The following EXOC7 variants were observed in gnomAD, a reference collection of about 807,000 sequenced individuals.
The protein encoded by EXOC7 is exocyst complex component Exo70.
A neutral mutation model predicts 87.6 loss-of-function variants in EXOC7; 51 were observed. The ratio of observed to expected loss-of-function variants is 0.58; its 90% CI spans 0.46 to 0.73. EXOC7 has a LOEUF of 0.73. Ranked by LOEUF, EXOC7 falls within the 30% of genes least tolerant of loss-of-function variation. EXOC7 has a pLI of 0.00. For missense variants in EXOC7, 744 were observed against 888.4 expected (o/e 0.84, Z 2.07); for synonymous variants, 327 against 357.1 (o/e 0.92, Z 0.95).
chr17:76,081,244 T>C lies in EXOC7; in HGVS notation c.*2404A>G, dbSNP rs1470552144. 7 of 1,611,414 alleles carry C rather than the reference T, an allele frequency of 4.3e-6. No individual in the cohort carries two copies. Among genetic ancestry groups the C allele is most frequent in the Non-Finnish European group, 5.9e-6 (7 of 1,179,262 alleles). ...CAGACTTGGCAGCTGGGATCTCTCC[T>C]TCCTGGTTCATAGTTCTCATTCCCA... On this transcript the variant is annotated 3_prime_UTR_variant, in exon 19 of 19. Transcript: ENST00000589210.
Position 76,081,675 on chromosome 17 carries a change from C to A in EXOC7, c.*1973G>T. 1 of 1,614,164 alleles carries A rather than the reference C, an allele frequency of 6.2e-7. No homozygotes were observed. The highest frequency in any genetic ancestry group is 1.1e-5 in the South Asian group (1 of 91,086). ...ATTGAGCGCATAGGCTACAAGGTGA[C>A]ATTGCTGCTGAGTTACCTCGTCCTC... On this transcript the variant is annotated 3_prime_UTR_variant, in exon 19 of 19. Coordinates refer to ENST00000589210, the MANE Select transcript of EXOC7 (RefSeq NM_001013839.4).
chr17:76,081,157 G>T lies in EXOC7; in HGVS notation c.*2491C>A. ...TTCTATGGATCGGTTTTGTGTCCAA[G>T]TCTGTCCCTGCCAAAAGCCATCAAA... On this transcript the variant is annotated 3_prime_UTR_variant, in exon 19 of 19. Coordinates refer to ENST00000589210, the MANE Select transcript of EXOC7 (RefSeq NM_001013839.4). 2 of 1,425,948 alleles carry T rather than the reference G, an allele frequency of 1.4e-6. 1 individual carries two copies. Among genetic ancestry groups the T allele is most frequent in the Middle Eastern group, 5.2e-4 (2 of 3,854 alleles). The allele number at this position is 1,425,948 out of a possible 1,614,324, so 88.3% of individuals were successfully genotyped here.
intron 1 of EXOC7, 33 bp downstream of exon 1, chr17:76,103,600 C>T: frequency 1.2e-6 from 2 of 1,608,910 alleles, no homozygotes; most frequent in Non-Finnish European, 1.7e-6. Flanking sequence ...CTTTCCCTCA[C>T]CTCCTCCCCA....
chr17:76,085,914 A>G (rs2067192303), intron 13 of EXOC7, 117 bp from the exon 14 acceptor site: 1 of 1,526,598 alleles, frequency 6.6e-7, no homozygotes, highest in Non-Finnish European at 8.8e-7. Flanking sequence ...AGGAGGCCTT[A>G]GCCCAACTCC....
chr17:76,086,162 C>T lies in EXOC7; in HGVS notation c.1430-17G>A. 1.9e-6 allele frequency: 3 copies of T among 1,612,678 alleles called. No homozygotes were observed. Among genetic ancestry groups the T allele is most frequent in the Non-Finnish European group, 2.5e-6 (3 of 1,179,768 alleles). On this transcript the variant is annotated splice_polypyrimidine_tract_variant and intron_variant, in intron 12 of 18. Transcript: ENST00000589210. ...AGCTGGTCTCTGTGAGAGGAGAAGT[C>T]CTGTTATTGCAGTGGCAGCAGCCAA...
Position 76,081,357 on chromosome 17 carries a change from G to T in EXOC7, c.*2291C>A. The T allele has an allele frequency of 1.2e-6, 2 of 1,614,178 alleles. No homozygotes were observed. The highest frequency in any genetic ancestry group is 1.3e-5 in the African/African-American group (1 of 75,066). ...GGGAATACGTAGTTTATGATCTGAA[G>T]ACCCAAGTCCCACCCCAGCAGCTGG... On this transcript the variant is annotated 3_prime_UTR_variant, in exon 19 of 19. Coordinates refer to ENST00000589210, the MANE Select transcript of EXOC7 (RefSeq NM_001013839.4).
At position 76,084,293 on chromosome 17, in the gene EXOC7, G is replaced by A; in HGVS notation, c.1777-4C>T. The stretch of plus-strand genomic sequence containing the variant: ...TCTGCCGCTCCTTGTCCCGGAGCTG[G>A]GAAGCCAGGAGAGATAGCAGAGAAA... On this transcript the variant is annotated splice_region_variant and splice_polypyrimidine_tract_variant and intron_variant, in intron 16 of 18. Transcript: ENST00000589210. The A allele has an allele frequency of 6.2e-7, 1 of 1,613,464 alleles. No individual in the cohort carries two copies. The highest frequency in any genetic ancestry group is 8.5e-7 in the Non-Finnish European group (1 of 1,180,012).
At position 76,081,507 on chromosome 17, in the gene EXOC7, C is replaced by A. The variant is rs779646744; in HGVS notation, c.*2141G>T. 2.5e-6 allele frequency: 4 copies of A among 1,608,688 alleles called. No homozygotes were observed. Among genetic ancestry groups the A allele is most frequent in the African/African-American group, 1.3e-5 (1 of 74,872 alleles). On this transcript the variant is annotated 3_prime_UTR_variant, in exon 19 of 19. Transcript: ENST00000589210. ...CCATGCCCCCGATGCCCACCTCCTT[C>A]CCCCCCGCCGGGAAGGCCCTGACTT...
intron 7 of EXOC7, chr17:76,090,468 A>G: frequency 6.4e-7 from 1 of 1,551,582 alleles, no homozygotes; most frequent in Non-Finnish European, 8.7e-7. Context: ...CCCTTGGGGT[A>G]CAGGGAAGAA....
chr17:76,086,173 A>C, intron 12 of EXOC7, 28 bp from the exon 13 acceptor site: 1 of 1,609,826 alleles, frequency 6.2e-7, no homozygotes, highest in Non-Finnish European at 8.5e-7. Context: ...CTGTTATTGC[A>C]GTGGCAGCAG....
Position 76,099,233 on chromosome 17 carries a change from C to T in EXOC7, c.418-1215G>A, listed in dbSNP as rs559205026. Among the ~76,000 whole-genome samples, 8 of 152,276 alleles carry T rather than the reference C, an allele frequency of 5.3e-5. No individual in the cohort carries two copies. In the East Asian group the frequency reaches 7.7e-4, roughly 15 times the overall value. On this transcript the variant is annotated intron_variant, in intron 4 of 18. Coordinates refer to ENST00000589210, the MANE Select transcript of EXOC7 (RefSeq NM_001013839.4). ...AAAGAAAATGTGGTCTGGCTGGGCACGGTGGCTTACGCCTGTAATCCCAGC... is the reference window on the plus strand; with the variant it reads ...AAAGAAAATGTGGTCTGGCTGGGCATGGTGGCTTACGCCTGTAATCCCAGC...
chr17:76,088,927 A>G lies in EXOC7; in HGVS notation c.1048-4T>C. 1.2e-6 allele frequency: 2 copies of G among 1,610,704 alleles called. No homozygotes were observed. Among genetic ancestry groups the G allele is most frequent in the Non-Finnish European group, 1.7e-6 (2 of 1,179,398 alleles). Reference sequence around the variant, plus strand: ...GCATCAGCCCATCCAGGGCATCCTGAGGGGGCAGGGAGACAGTTCAGGGAA... The same window carrying G: ...GCATCAGCCCATCCAGGGCATCCTGGGGGGGCAGGGAGACAGTTCAGGGAA... On this transcript the variant is annotated splice_region_variant and splice_polypyrimidine_tract_variant and intron_variant, in intron 8 of 18. Coordinates refer to ENST00000589210, the MANE Select transcript of EXOC7 (RefSeq NM_001013839.4).
At chr17:76,087,782 GC>G in intron 11 of EXOC7, 62 bp from the exon 12 acceptor site, 1 of 1,524,430 alleles carries the variant, frequency 6.6e-7, no homozygotes, top group African/African-American at 1.4e-5. Flanking sequence ...GCCTCCCACA[GC>G]GACCCCTCTG....
At chr17:76,084,362 C>T (rs2305347) in intron 16 of EXOC7, 73 bp from the exon 17 acceptor site, 290,879 of 1,605,100 alleles carry the variant, frequency 0.18, 28,770 homozygotes, top group Admixed American at 0.38. Flanking sequence ...CTTCCCCAAA[C>T]ACCCTTGGTC....
intron 7 of EXOC7, among the ~76,000 whole-genome samples, chr17:76,089,999 G>A (rs2067402059): frequency 6.6e-6 from 1 of 152,228 alleles, no homozygotes; most frequent in Non-Finnish European, 1.5e-5. Context: ...CCAAGGGATG[G>A]GCTCCGAGGG....
chr17:76,089,848 G>C (rs190607416), intron 7 of EXOC7: 7 of 178,434 alleles, frequency 3.9e-5, no homozygotes, highest in African/African-American at 1.7e-4. Flanking sequence ...GGCTGGCATG[G>C]GGTCAAAATC....
intron 6 of EXOC7, among the ~76,000 whole-genome samples, chr17:76,092,104 T>C (rs1395918840): frequency 6.6e-6 from 1 of 151,972 alleles, no homozygotes; most frequent in Non-Finnish European, 1.5e-5. Flanking sequence ...TGCAGCTGCC[T>C]TGTTAACAAA....
In EXOC7 at chr17:76,082,368, A is replaced by G. The variant is rs1293065076; in HGVS notation, c.*1280T>C. 1 of 1,295,288 alleles carries G rather than the reference A, an allele frequency of 7.7e-7. No homozygotes were observed. The highest frequency in any genetic ancestry group is 1.1e-6 in the Non-Finnish European group (1 of 941,134). The allele number at this position is 1,295,288 out of a possible 1,614,324, so 80.2% of individuals were successfully genotyped here. A position where few individuals can be genotyped will look rare whatever the true frequency, so the allele number is the denominator to read the frequency against. On this transcript the variant is annotated 3_prime_UTR_variant, in exon 19 of 19. Transcript: ENST00000589210. ...TCATCAGCTGAGAATCTAAGAAAGGAAGCGATACAGGCTGATGACCCCTGG... is the reference window on the plus strand; with the variant it reads ...TCATCAGCTGAGAATCTAAGAAAGGGAGCGATACAGGCTGATGACCCCTGG...
rs747567298 is a variant in EXOC7 at position 76,088,962 on chromosome 17, G to A, written c.1048-39C>T. The A allele has an allele frequency of 8.1e-6, 13 of 1,599,650 alleles. No individual in the cohort carries two copies. In the East Asian group the frequency reaches 8.9e-5, roughly 11 times the overall value. On this transcript the variant is annotated intron_variant, in intron 8 of 18. Transcript: ENST00000589210. ...GAGACAGTTCAGGGAAGGGTGGGGC[G>A]GTGGGAGCTAGTTCTGGGCTAGTGG...
Sources: allele counts gnomAD v4.1 joint callset (sites outside exome capture counted in the v4.1 genomes callset), GRCh38; gene constraint gnomAD v4.1.1; transcripts MANE v1.5; gene names NCBI Gene and HGNC (gene_info 2026-07-23, HGNC 2026-07-21).